The following ADRA1B variants were observed in gnomAD, a reference collection of about 807,000 sequenced individuals.
ADRA1B encodes alpha-1B adrenergic receptor.
ADRA1B carries 17 observed loss-of-function variants against 17.9 expected under a neutral mutation model. The ratio of observed to expected loss-of-function variants is 0.95; its 90% CI spans 0.65 to 1.42. The LOEUF (loss-of-function observed/expected upper bound fraction) is 1.42. ADRA1B is among the 40% of genes most tolerant of loss of function. ADRA1B has a pLI of 0.00. For missense variants in ADRA1B, 681 were observed against 722.1 expected, an observed-to-expected ratio of 0.94 and a Z score of 0.65; for synonymous variants, 366 against 327.6, an observed-to-expected ratio of 1.12 and a Z score of -1.27.
At chr5:159,939,960 C>A (rs1755080521) in intron 1 of ADRA1B, among the ~76,000 whole-genome samples, 1 of 152,218 alleles carries the variant, frequency 6.6e-6, no homozygotes, top group African/African-American at 2.4e-5. Flanking sequence ...CCATGCCCAT[C>A]AGAGCCTTGT....
At chr5:159,927,989 A>G (rs1754707851) in intron 1 of ADRA1B, among the ~76,000 whole-genome samples, 1 of 152,228 alleles carries the variant, frequency 6.6e-6, no homozygotes, top group Non-Finnish European at 1.5e-5. Flanking sequence ...CATTTATTTT[A>G]CTTGCCGCGA....
At position 159,916,930 on chromosome 5, in the gene ADRA1B, C is replaced by T. The variant is rs202245167; in HGVS notation, c.25C>T (p.His9Tyr). The T allele has an allele frequency of 2.5e-5, 40 of 1,613,386 alleles. No homozygotes were observed. In the African/African-American group the frequency reaches 5.1e-4, roughly 20 times the overall value. ...GATGAATCCCGACCTGGACACCGGCCACAACACATCAGCACCTGCCCACTG... is the reference window on the plus strand; with the variant it reads ...GATGAATCCCGACCTGGACACCGGCTACAACACATCAGCACCTGCCCACTG... The part of the protein sequence containing the change: MNPDLDTG[H>Y]NTSAPAHWGE... The change falls in exon 1 of 2, where the codon CAC becomes TAC. Residue 9 changes from histidine (H) to tyrosine (Y), a missense_variant. Coordinates refer to ENST00000306675, the MANE Select transcript of ADRA1B (RefSeq NM_000679.4).
chr5:159,872,684 G>T (rs926957116), intron 1 of ADRA1B, among the ~76,000 whole-genome samples: 1 of 151,952 alleles, frequency 6.6e-6, no homozygotes, highest in African/African-American at 2.4e-5. Flanking sequence ...CTGACTGCTT[G>T]GTCAAGAGAT....
chr5:159,940,543 T>C (rs1755097735), intron 1 of ADRA1B, among the ~76,000 whole-genome samples: 1 of 152,216 alleles, frequency 6.6e-6, no homozygotes, highest in African/African-American at 2.4e-5. Context: ...TATTCATAGT[T>C]GAGCCCAGTT....
intron 1 of ADRA1B, among the ~76,000 whole-genome samples, chr5:159,884,718 T>C (rs1000032359): frequency 7.9e-5 from 12 of 152,242 alleles, no homozygotes; most frequent in Admixed American, 7.2e-4. Context: ...GTATCAACTA[T>C]GTAATCTGTA....
At chr5:159,867,308 G>T (rs769084304) in intron 1 of ADRA1B, among the ~76,000 whole-genome samples, 2 of 152,028 alleles carry the variant, frequency 1.3e-5, no homozygotes, top group Non-Finnish European at 2.9e-5. Context: ...ATTCTACCCC[G>T]TGTCCCAAGG....
intron 1 of ADRA1B, among the ~76,000 whole-genome samples, chr5:159,959,454 A>G (rs926137892): frequency 1.3e-5 from 2 of 152,230 alleles, no homozygotes; most frequent in African/African-American, 2.4e-5. Context: ...CAAGACAAAT[A>G]AGATTGACCC....
downstream of ADRA1B, among the ~76,000 whole-genome samples, chr5:159,975,111 C>T (rs1755952234): frequency 6.6e-6 from 1 of 152,184 alleles, no homozygotes; most frequent in Non-Finnish European, 1.5e-5. Flanking sequence ...AACAAGGGAT[C>T]ATTTGGGGAA....
intron 1 of ADRA1B, among the ~76,000 whole-genome samples, chr5:159,930,160 C>A (rs1368536604): frequency 6.6e-6 from 1 of 152,120 alleles, no homozygotes; most frequent in Non-Finnish European, 1.5e-5. Context: ...TATTTTTGGT[C>A]TTTTACTACA....
chr5:159,942,157 C>T (rs1205715303), intron 1 of ADRA1B, among the ~76,000 whole-genome samples: 2 of 151,936 alleles, frequency 1.3e-5, no homozygotes, highest in Non-Finnish European at 2.9e-5. Context: ...CTCCTGACCT[C>T]GTGATCCGCC....
intron 1 of ADRA1B, among the ~76,000 whole-genome samples, chr5:159,905,506 T>C (rs754714117): frequency 1.3e-5 from 2 of 152,262 alleles, no homozygotes; most frequent in Non-Finnish European, 2.9e-5. Context: ...TTTTCATTCA[T>C]TCATTCACTC....
chr5:159,941,080 G>C (rs11743363), intron 1 of ADRA1B, among the ~76,000 whole-genome samples: 17,751 of 152,208 alleles, frequency 0.12, 1,295 homozygotes, highest in Non-Finnish European at 0.16. Context: ...GGGACCTCTT[G>C]GGTACTGTCA....
At chr5:159,893,042 T>C (rs1304864403) in intron 1 of ADRA1B, among the ~76,000 whole-genome samples, 2 of 152,220 alleles carry the variant, frequency 1.3e-5, no homozygotes, top group Non-Finnish European at 2.9e-5. Context: ...TGGTATGAGA[T>C]GGTGTTTCAT....
intron 1 of ADRA1B, among the ~76,000 whole-genome samples, chr5:159,923,424 C>A (rs1222323621): frequency 6.6e-6 from 1 of 152,228 alleles, no homozygotes; most frequent in Non-Finnish European, 1.5e-5. Context: ...GGTGGAGAAG[C>A]AGACAGCTTC....
chr5:159,955,391 G>C (rs1274720459), intron 1 of ADRA1B, among the ~76,000 whole-genome samples: 1 of 152,146 alleles, frequency 6.6e-6, no homozygotes, highest in African/African-American at 2.4e-5. Context: ...ACCAGCGAAA[G>C]GACAGAACAA....
chr5:159,914,955 ACT>A (rs1422012574), upstream of ADRA1B, among the ~76,000 whole-genome samples: 1 of 151,984 alleles, frequency 6.6e-6, no homozygotes. Context: ...GAATCAACTG[ACT>A]CTCTCTGAAC....
At chr5:159,980,822 C>T in the ADRA1B span, among the ~76,000 whole-genome samples, 431 of 152,026 alleles carry the variant, frequency 2.8e-3, 2 homozygotes, top group African/African-American at 8.9e-3. Context: ...ATCAGGAAAG[C>T]GCAAACCTCT....
At chr5:159,915,904 C>T (rs1754288172), upstream of ADRA1B, among the ~76,000 whole-genome samples, 1 of 152,192 alleles carries the variant, frequency 6.6e-6, no homozygotes, top group African/African-American at 2.4e-5. Flanking sequence ...TCACAGCGCC[C>T]AGAGCCAGGG....
chr5:159,960,247 G>C (rs1399735656), intron 1 of ADRA1B, among the ~76,000 whole-genome samples: 1 of 152,222 alleles, frequency 6.6e-6, no homozygotes, highest in African/African-American at 2.4e-5. Context: ...TCTCAGACCA[G>C]TGTGGACAGC....
Sources: allele counts gnomAD v4.1 joint callset (sites outside exome capture counted in the v4.1 genomes callset), GRCh38; gene constraint gnomAD v4.1.1; transcripts MANE v1.5; gene names NCBI Gene and HGNC (gene_info 2026-07-23, HGNC 2026-07-21).